Variants in NAA38 observed in about 807,000 individuals in gnomAD.
NAA38 encodes the protein LSM domain containing 1.
In NAA38, 15 loss-of-function variants were observed where a neutral mutation model predicts 12.6. The observed-to-expected ratio is 1.19, with a 90% CI of 0.79 to 1.83. The LOEUF is 1.83. Among genes scored for constraint, NAA38 ranks in the 40% most tolerant of loss-of-function variants. The pLI is 0.00. For synonymous variants in NAA38, 88 were observed against 69.9 expected (o/e 1.26, Z -1.29); for missense variants, 183 against 171.7 (o/e 1.07, Z -0.37).
At chr17:7,858,290 CAAGGGT>C (rs769802563), upstream of NAA38, 39 of 1,613,874 alleles carry the variant, frequency 2.4e-5, no homozygotes, top group Non-Finnish European at 3.0e-5. Flanking sequence ...CACAGGAATA[CAAGGGT>C]AAGGGCCACA....
intron 2 of NAA38, among the ~76,000 whole-genome samples, chr17:7,877,504 G>A (rs1006753286): frequency 6.6e-6 from 1 of 151,486 alleles, no homozygotes; most frequent in Non-Finnish European, 1.5e-5. Flanking sequence ...AGGAAATCCT[G>A]AGAACATGTG....
chr17:7,857,974 A>C, upstream of NAA38: 1 of 1,482,808 alleles, frequency 6.7e-7, no homozygotes, highest in Non-Finnish European at 8.9e-7. Flanking sequence ...CCTGATATTT[A>C]TCTCAGTGGA....
chr17:7,884,695 C>CGAG (rs1273939480), intron 1 of NAA38: 11,170 of 266,978 alleles, frequency 0.042, 74 homozygotes, highest in East Asian at 0.087. Context: ...ACGCCGCCGC[C>CGAG]GAGGAGGAGG....
intron 2 of NAA38, 27 bp downstream of exon 2, chr17:7,856,988 G>C: frequency 6.3e-7 from 1 of 1,594,114 alleles, no homozygotes; most frequent in Non-Finnish European, 8.6e-7. Flanking sequence ...ACATTACCAG[G>C]CGGGTGTGCA....
chr17:7,868,866 TAGG>T (rs950143391), intron 2 of NAA38, among the ~76,000 whole-genome samples: 3 of 152,200 alleles, frequency 2.0e-5, no homozygotes, highest in Non-Finnish European at 4.4e-5. Context: ...ATTCCTCCAT[TAGG>T]AGAAGTTTTT....
chr17:7,882,162 C>T (rs907253614), intron 2 of NAA38, among the ~76,000 whole-genome samples: 15 of 152,234 alleles, frequency 9.9e-5, no homozygotes, highest in East Asian at 5.8e-4. Context: ...TAGGGATGCA[C>T]ACGGCCACCT....
chr17:7,862,774 G>A (rs1465449538), upstream of NAA38: 1 of 151,556 alleles, frequency 6.6e-6, no homozygotes, highest in East Asian at 1.9e-4. Context: ...AAAAAAAAGA[G>A]GGTCTCACCA....
chr17:7,867,883 A>C (rs180873017), intron 2 of NAA38, among the ~76,000 whole-genome samples: 1 of 152,258 alleles, frequency 6.6e-6, no homozygotes, highest in East Asian at 1.9e-4. Context: ...CAAAGGGAGG[A>C]GTCAAGGATG....
At chr17:7,880,371 T>C (rs1006071742) in intron 2 of NAA38, among the ~76,000 whole-genome samples, 1 of 152,070 alleles carries the variant, frequency 6.6e-6, no homozygotes, top group African/African-American at 2.4e-5. Context: ...AAACAGGCAG[T>C]AAAAAAGCAG....
At chr17:7,864,465 T>C (rs1017940528) in intron 3 of NAA38, 9 of 152,152 alleles carry the variant, frequency 5.9e-5, no homozygotes, top group African/African-American at 2.2e-4. Flanking sequence ...CCTGGCTAAT[T>C]CTTTATTTTT....
intron 1 of NAA38, chr17:7,883,354 G>GA (rs1392143415): frequency 6.6e-6 from 1 of 152,110 alleles, no homozygotes; most frequent in African/African-American, 2.4e-5. Flanking sequence ...GAAGAAAAGA[G>GA]AACATAATTT....
At position 7,856,689 on chromosome 17, in the gene NAA38, G is replaced by A. The variant is rs543858557; in HGVS notation, c.*42C>T. The A allele has an allele frequency of 2.6e-6, 4 of 1,522,716 alleles. No individual in the cohort carries two copies. The highest frequency in any genetic ancestry group is 3.6e-6 in the Non-Finnish European group (4 of 1,098,022). 94.3% of individuals were successfully genotyped at this position (1,522,716 alleles called of 1,614,324 possible). A position where few individuals can be genotyped will look rare whatever the true frequency, so the allele number is the denominator to read the frequency against. On this transcript the variant is annotated 3_prime_UTR_variant, in exon 3 of 3. Transcript: ENST00000575771. ...CTACACACAGACACAGGCCCATTCG[G>A]TCATAAGTTTAATGAAGTCTGAAAG... is the stretch of plus-strand genomic sequence containing the variant.
In NAA38 at chr17:7,856,808, G is replaced by A; in HGVS notation, c.301C>T (p.Leu101=). Residue 101 remains leucine (L), a synonymous_variant, in exon 3 of 3, where the codon CTG becomes TTG. Coordinates refer to ENST00000575771, the MANE Select transcript of NAA38 (RefSeq NM_001320925.4). The part of the protein sequence containing the change: ...FSAGEPRVLG[L]AMVPGHHIVS... The stretch of plus-strand genomic sequence containing the variant: ...ATGTGGTGTCCGGGTACCATGGCCA[G>A]GCCCAGCACACGGGGCTCCCCGGCA... The A allele has an allele frequency of 1.9e-6, 3 of 1,613,994 alleles. No homozygotes were observed. The highest frequency in any genetic ancestry group is 1.7e-6 in the Non-Finnish European group (2 of 1,180,024).
At chr17:7,880,746 T>A (rs1439549049) in intron 2 of NAA38, among the ~76,000 whole-genome samples, 1 of 152,246 alleles carries the variant, frequency 6.6e-6, no homozygotes, top group Non-Finnish European at 1.5e-5. Flanking sequence ...GGTGCTTTCA[T>A]GCCTTCTCCA....
chr17:7,858,107 A>C (rs569715074), upstream of NAA38: 15 of 1,612,200 alleles, frequency 9.3e-6, no homozygotes, highest in African/African-American at 9.3e-5. Flanking sequence ...AGTAACCAAG[A>C]GATCCAGTGA....
At chr17:7,864,927 A>G (rs1471872369) in intron 3 of NAA38, 2 of 152,082 alleles carry the variant, frequency 1.3e-5, no homozygotes, top group Admixed American at 6.5e-5. Flanking sequence ...TGCATGAAGC[A>G]AAGTTTGTGT....
At chr17:7,860,298 C>A (rs1412508131), upstream of NAA38, 1 of 152,170 alleles carries the variant, frequency 6.6e-6, no homozygotes, top group African/African-American at 2.4e-5. Context: ...ACTTCAGGTG[C>A]ACGCCACAAT....
chr17:7,856,936 A>T (rs770498414), intron 2 of NAA38, 79 bp downstream of exon 2: 5 of 1,590,630 alleles, frequency 3.1e-6, no homozygotes, highest in Non-Finnish European at 4.3e-6. Flanking sequence ...CAAGGGTTGC[A>T]GCCAGGCCCT....
upstream of NAA38, chr17:7,859,873 TAGTC>T (rs1427232122): frequency 1.5e-5 from 7 of 480,410 alleles, no homozygotes; most frequent in South Asian, 4.6e-5. Flanking sequence ...TAGAAGAGGA[TAGTC>T]AGAGTTCAGG....
Sources: allele counts gnomAD v4.1 joint callset (sites outside exome capture counted in the v4.1 genomes callset), GRCh38; gene constraint gnomAD v4.1.1; transcripts MANE v1.5; gene names NCBI Gene and HGNC (gene_info 2026-07-23, HGNC 2026-07-21).